DDX28: variants seen among roughly 807,000 people sequenced by gnomAD.
DDX28 encodes the protein probable ATP-dependent RNA helicase DDX28.
DDX28 carries 25 observed loss-of-function variants against 26.8 expected under a neutral mutation model. That is an observed-to-expected ratio of 0.93 (90% CI 0.68 to 1.30). DDX28 has a LOEUF of 1.30. Among genes scored for constraint, DDX28 ranks in the 50% most tolerant of loss-of-function variants. DDX28 has a pLI of 0.00. For synonymous variants in DDX28, 370 were observed against 311.9 expected (o/e 1.19, Z -1.96); for missense variants, 790 against 695.1 (o/e 1.14, Z -1.53).
Position 68,021,568 on chromosome 16 carries a change from G to C in DDX28, c.*12C>G. On this transcript the variant is annotated 3_prime_UTR_variant, in exon 1 of 1. Coordinates refer to ENST00000332395, the MANE Select transcript of DDX28 (RefSeq NM_018380.4). ...CTGTTCTAGCATCACATTTTAATCAGATTTGTCAAAATCAGGTTGCTTGGG... is the reference window on the plus strand; with the variant it reads ...CTGTTCTAGCATCACATTTTAATCACATTTGTCAAAATCAGGTTGCTTGGG... 1 of 1,607,938 alleles carries C rather than the reference G, an allele frequency of 6.2e-7. No individual in the cohort carries two copies.
chr16:68,021,600 G>A lies in DDX28; in HGVS notation c.1603C>T (p.Pro535Ser). 1.2e-6 allele frequency: 2 copies of A among 1,613,544 alleles called. No homozygotes were observed. The highest frequency in any genetic ancestry group is 1.7e-5 in the Admixed American group (1 of 59,992). The change falls in exon 1 of 1, where the codon CCT becomes TCT. Residue 535 changes from proline (P) to serine (S), a missense_variant. Transcript: ENST00000332395. ...LPGLASSVKE[P>S]LPQAT ...CAAAATCAGGTTGCTTGGGGCAAAG[G>A]CTCTTTCACCGAGGATGCTAGTCCT...
chr16:68,021,737 CCCACTCTCCCTGCTCT>C lies in DDX28; in HGVS notation c.1450_1465del (p.Arg484AlafsTer15). ...GCCTGGCACCTCGCTCCCCACACGGCCCACTCTCCCTGCTCTGTGGATGTAATCTTGCAGCGTTGGG... is the reference window on the plus strand; with the variant it reads ...GCCTGGCACCTCGCTCCCCACACGGCGTGGATGTAATCTTGCAGCGTTGGG... On this transcript the variant is annotated frameshift_variant, in exon 1 of 1. Coordinates refer to ENST00000332395, the MANE Select transcript of DDX28 (RefSeq NM_018380.4). LOFTEE classifies it high-confidence loss of function. 6.2e-7 allele frequency: 1 copy of C among 1,614,224 alleles called. No homozygotes were observed. Among genetic ancestry groups the C allele is most frequent in the Non-Finnish European group, 8.5e-7 (1 of 1,180,044 alleles).
chr16:68,023,207 C>T lies in DDX28; in HGVS notation c.-5G>A, dbSNP rs765166334. ...CACCGGCCGCGTTAGAGCCATGTTTCCCTTAGTGCGGGAGAAGCGCACATC... is the reference window on the plus strand; with the variant it reads ...CACCGGCCGCGTTAGAGCCATGTTTTCCTTAGTGCGGGAGAAGCGCACATC... On this transcript the variant is annotated 5_prime_UTR_variant, in exon 1 of 1. Transcript: ENST00000332395. 3.1e-6 allele frequency: 5 copies of T among 1,605,274 alleles called. No individual in the cohort carries two copies. Among genetic ancestry groups the T allele is most frequent in the South Asian group, 2.2e-5 (2 of 90,466 alleles).
Position 68,022,753 on chromosome 16 carries a change from CT to C in DDX28, c.449del (p.Gln150ArgfsTer121). 1 of 1,612,282 alleles carries C rather than the reference CT, an allele frequency of 6.2e-7. No individual in the cohort carries two copies. The highest frequency in any genetic ancestry group is 8.5e-7 in the Non-Finnish European group (1 of 1,179,506). On this transcript the variant is annotated frameshift_variant, in exon 1 of 1. Coordinates refer to ENST00000332395, the MANE Select transcript of DDX28 (RefSeq NM_018380.4). LOFTEE classifies it high-confidence loss of function. ...TGGTGCTAGACTGCACGGTTGTGGGCTGAACGACTTCAGGCGCAGCCTCCTG... is the reference window on the plus strand; with the variant it reads ...TGGTGCTAGACTGCACGGTTGTGGGCGAACGACTTCAGGCGCAGCCTCCTG... ...ALQEAAPEVV[Q>X]PTTVQSSTIP...
rs752768990 is a variant in DDX28, at chr16:68,022,980, C to T, written c.223G>A (p.Glu75Lys). The change falls in exon 1 of 1, where the codon GAG becomes AAG. Residue 75 changes from glutamate to lysine, a missense_variant. Coordinates refer to ENST00000332395, the MANE Select transcript of DDX28 (RefSeq NM_018380.4). ...GPLLVSARRP[E>K]LNQPARLTLG... ...GTGAGGCGCGCCGGCTGGTTCAACT[C>T]CGGCCGCCGCGCCGAAACCAGCAGC... 1.4e-5 allele frequency: 22 copies of T among 1,551,246 alleles called. No homozygotes were observed. The African/African-American group carries it at 2.6e-4, about 18-fold the overall frequency.
In DDX28 at chr16:68,021,362, C is replaced by T; in HGVS notation, c.*218G>A. 3 of 568,496 alleles carry T rather than the reference C, an allele frequency of 5.3e-6. No homozygotes were observed. The highest frequency in any genetic ancestry group is 1.9e-5 in the African/African-American group (1 of 53,372). The allele number at this position is 568,496 out of a possible 1,614,324, so 35.2% of individuals were successfully genotyped here. A position where few individuals can be genotyped will look rare whatever the true frequency, so the allele number is the denominator to read the frequency against. The stretch of plus-strand genomic sequence containing the variant: ...CATGACATGATACAAAGTCAAAATC[C>T]ACTTGTGTCTTGCTAAAGACTACAG... On this transcript the variant is annotated 3_prime_UTR_variant, in exon 1 of 1. Coordinates refer to ENST00000332395, the MANE Select transcript of DDX28 (RefSeq NM_018380.4).
chr16:68,021,817 G>A lies in DDX28; in HGVS notation c.1386C>T (p.Asp462=). 1.2e-6 allele frequency: 2 copies of A among 1,614,206 alleles called. No individual in the cohort carries two copies. The highest frequency in any genetic ancestry group is 1.7e-6 in the Non-Finnish European group (2 of 1,180,032). The change falls in exon 1 of 1, where the codon GAC becomes GAT. Residue 462 remains aspartate (D), a synonymous_variant. Transcript: ENST00000332395. The part of the protein sequence containing the change: ...LCTDIASRGL[D]STGVELVVNY... ...TGACAACCAGCTCCACACCAGTGCTGTCCAGGCCCCGAGAGGCTATGTCTG... is the reference window on the plus strand; with the variant it reads ...TGACAACCAGCTCCACACCAGTGCTATCCAGGCCCCGAGAGGCTATGTCTG...
Position 68,022,994 on chromosome 16 carries a change from G to A in DDX28, c.209C>T (p.Ser70Leu), listed in dbSNP as rs200300816. 244 of 1,562,734 alleles carry A rather than the reference G, an allele frequency of 1.6e-4. No individual in the cohort carries two copies. The African/African-American group carries it at 2.9e-3, about 18-fold the overall frequency. ...CTGGTTCAACTCCGGCCGCCGCGCCGAAACCAGCAGCGGTCCGGGTCGAAC... is the reference window on the plus strand; with the variant it reads ...CTGGTTCAACTCCGGCCGCCGCGCCAAAACCAGCAGCGGTCCGGGTCGAAC... ...VLVRPGPLLV[S>L]ARRPELNQPA... Residue 70 changes from serine to leucine, a missense_variant, in exon 1 of 1, where the codon TCG (serine) becomes TTG (leucine). By Grantham distance (145) the Ser-to-Leu change is moderately radical. Coordinates refer to ENST00000332395, the MANE Select transcript of DDX28 (RefSeq NM_018380.4).
At position 68,021,669 on chromosome 16, in the gene DDX28, C is replaced by T. The variant is rs1444367381; in HGVS notation, c.1534G>A (p.Val512Ile). 1.2e-6 allele frequency: 2 copies of T among 1,614,116 alleles called. No homozygotes were observed. Among genetic ancestry groups the T allele is most frequent in the Non-Finnish European group, 1.7e-6 (2 of 1,180,056 alleles). Residue 512 changes from valine to isoleucine, a missense_variant, in exon 1 of 1, where the codon GTT becomes ATT. By Grantham distance (29) the Val-to-Ile change is conservative. Transcript: ENST00000332395. ...CGAGCCGCCAGCTCAATCTTCTGAA[C>T]CAGGCTCACATCCCAGGGATGGGTC... ...FVTHPWDVSL[V>I]QKIELAARRR...
chr16:68,021,566 C>A lies in DDX28; in HGVS notation c.*14G>T. On this transcript the variant is annotated 3_prime_UTR_variant, in exon 1 of 1. Coordinates refer to ENST00000332395, the MANE Select transcript of DDX28 (RefSeq NM_018380.4). ...CCCTGTTCTAGCATCACATTTTAAT[C>A]AGATTTGTCAAAATCAGGTTGCTTG... The A allele has an allele frequency of 6.2e-7, 1 of 1,605,784 alleles. No individual in the cohort carries two copies. Among genetic ancestry groups the A allele is most frequent in the South Asian group, 1.1e-5 (1 of 89,938 alleles).
In DDX28 at chr16:68,022,352, A is replaced by G. The variant is rs1331830983; in HGVS notation, c.851T>C (p.Val284Ala). 2 of 1,614,168 alleles carry G rather than the reference A, an allele frequency of 1.2e-6. No homozygotes were observed. Among genetic ancestry groups the G allele is most frequent in the Admixed American group, 3.3e-5 (2 of 60,018 alleles). Residue 284 changes from valine (V) to alanine (A), a missense_variant, in exon 1 of 1, where the codon GTG (valine) becomes GCG (alanine). Val to Ala is a moderately conservative substitution (Grantham distance 64). Coordinates refer to ENST00000332395, the MANE Select transcript of DDX28 (RefSeq NM_018380.4). The part of the protein sequence containing the change: ...LISLEQLSFL[V>A]LDEADTLLDE... ...CAGCAGTGTGTCTGCCTCATCCAAC[A>G]CCAAGAAGGAGAGTTGCTCCAGACT...
rs901254216 is a variant in DDX28, at chr16:68,021,184, A to C, written c.*396T>G. 3.0e-5 allele frequency: 6 copies of C among 198,804 alleles called. No homozygotes were observed. Among genetic ancestry groups the C allele is most frequent in the Admixed American group, 2.7e-4 (5 of 18,328 alleles). The allele number at this position is 198,804 out of a possible 1,614,324, so 12.3% of individuals were successfully genotyped here. A position where few individuals can be genotyped will look rare whatever the true frequency, so the allele number is the denominator to read the frequency against. On this transcript the variant is annotated 3_prime_UTR_variant, in exon 1 of 1. Transcript: ENST00000332395. ...TACCTTTTTGGGGGCAGGAAATACA[A>C]ACTAAATGTTTATAAATGAAAACAT...
rs772073182 is a variant in DDX28 at position 68,021,923 on chromosome 16, A to T, written c.1280T>A (p.Leu427Ter). 4 of 1,614,164 alleles carry T rather than the reference A, an allele frequency of 2.5e-6. No homozygotes were observed. The highest frequency in any genetic ancestry group is 1.7e-5 in the Admixed American group (1 of 60,016). ...CATCAAGGCTGGCATTTGCCCCTGC[A>T]ACCTTAGGTGTTGGATTTTGTGGTC... ...LDDHKIQHLR[L>*]QGQMPALMRV... Residue 427 changes from leucine to a stop codon, truncating the protein, a stop_gained, in exon 1 of 1, where the codon TTG (leucine) becomes TAG (stop). Coordinates refer to ENST00000332395, the MANE Select transcript of DDX28 (RefSeq NM_018380.4). LOFTEE classifies it high-confidence loss of function.
rs1380651063 is a variant in DDX28 at position 68,022,164 on chromosome 16, G to A, written c.1039C>T (p.Pro347Ser). Reference protein sequence around the residue: ...VGQLLNKVASPDAVTTITSSK... With the variant: ...VGQLLNKVASSDAVTTITSSK... ...CTGGTGATGGTGGTGACAGCATCTG[G>A]GCTGGCGACTTTATTCAGCAACTGG... is the stretch of plus-strand genomic sequence containing the variant. The change falls in exon 1 of 1, where the codon CCA becomes TCA. Residue 347 changes from proline (P) to serine (S), a missense_variant. By Grantham distance (74) the Pro-to-Ser change is moderately conservative. Coordinates refer to ENST00000332395, the MANE Select transcript of DDX28 (RefSeq NM_018380.4). 1.9e-6 allele frequency: 3 copies of A among 1,614,058 alleles called. No homozygotes were observed. The African/African-American group carries it at 4.0e-5, about 22-fold the overall frequency.
rs750629296 is a variant in DDX28, at chr16:68,022,815, C to T, written c.388G>A (p.Asp130Asn). 3.2e-6 allele frequency: 5 copies of T among 1,580,494 alleles called. No homozygotes were observed. The highest frequency in any genetic ancestry group is 8.6e-7 in the Non-Finnish European group (1 of 1,163,274). Residue 130 changes from aspartate to asparagine, a missense_variant, in exon 1 of 1, where the codon GAC becomes AAC. Transcript: ENST00000332395. ...RKLSSKGSFA[D>N]LGLEPRVLHA... is the part of the protein sequence containing the mutation. Reference sequence around the variant, plus strand: ...AGCACACGGGGCTCCAGGCCCAGGTCAGCAAAGCTGCCCTTAGACGAGAGC... The same window carrying T: ...AGCACACGGGGCTCCAGGCCCAGGTTAGCAAAGCTGCCCTTAGACGAGAGC...
At position 68,023,009 on chromosome 16, in the gene DDX28, C is replaced by G. The variant is rs768123979; in HGVS notation, c.194G>C (p.Gly65Ala). 3.2e-6 allele frequency: 5 copies of G among 1,574,294 alleles called. No individual in the cohort carries two copies. In the South Asian group the frequency reaches 5.7e-5, roughly 18 times the overall value. Residue 65 changes from glycine (G) to alanine (A), a missense_variant, in exon 1 of 1, where the codon GGA becomes GCA. By Grantham distance (60) the Gly-to-Ala change is moderately conservative. Coordinates refer to ENST00000332395, the MANE Select transcript of DDX28 (RefSeq NM_018380.4). ...CCGCCGCGCCGAAACCAGCAGCGGT[C>G]CGGGTCGAACCAGCACCGGCCTCGG... ...NLPRPVLVRP[G>A]PLLVSARRPE...
rs2033231661 is a variant in DDX28, at chr16:68,021,217, A to G, written c.*363T>C. 2 of 228,214 alleles carry G rather than the reference A, an allele frequency of 8.8e-6. No individual in the cohort carries two copies. The highest frequency in any genetic ancestry group is 1.0e-4 in the Admixed American group (2 of 19,120). The allele number at this position is 228,214 out of a possible 1,614,324, so 14.1% of individuals were successfully genotyped here. A position where few individuals can be genotyped will look rare whatever the true frequency, so the allele number is the denominator to read the frequency against. ...GTTTATAAATGAAAACATCAACTGA[A>G]AGAGCCTTTGTCCTAGATGTGGAGG... is the stretch of plus-strand genomic sequence containing the variant. On this transcript the variant is annotated 3_prime_UTR_variant, in exon 1 of 1. Coordinates refer to ENST00000332395, the MANE Select transcript of DDX28 (RefSeq NM_018380.4).
Position 68,022,156 on chromosome 16 carries a change from A to G in DDX28, c.1047T>C (p.Ala349=). ...QLLNKVASPD[A]VTTITSSKLH... is the part of the protein sequence containing the mutation. ...GCTTGGAGCTGGTGATGGTGGTGAC[A>G]GCATCTGGGCTGGCGACTTTATTCA... Residue 349 remains alanine, a synonymous_variant, in exon 1 of 1, where the codon GCT becomes GCC. Transcript: ENST00000332395. The G allele has an allele frequency of 6.2e-7, 1 of 1,614,208 alleles. No individual in the cohort carries two copies. The highest frequency in any genetic ancestry group is 8.5e-7 in the Non-Finnish European group (1 of 1,180,034).
chr16:68,021,946 G>A lies in DDX28; in HGVS notation c.1257C>T (p.Asp419=), dbSNP rs2033248781. ...GCAACCTTAGGTGTTGGATTTTGTG[G>A]TCATCCAGAATATATCCCAGCCAGT... ...TVNWLGYILD[D]HKIQHLRLQG... The change falls in exon 1 of 1, where the codon GAC becomes GAT. Residue 419 remains aspartate (D), a synonymous_variant. Coordinates refer to ENST00000332395, the MANE Select transcript of DDX28 (RefSeq NM_018380.4). The A allele has an allele frequency of 6.2e-7, 1 of 1,614,082 alleles. No individual in the cohort carries two copies. The highest frequency in any genetic ancestry group is 1.3e-5 in the African/African-American group (1 of 74,930).
Sources: gnomAD v4.1 joint callset for allele counts on GRCh38, gnomAD v4.1.1 for gene constraint, MANE v1.5 for transcripts, NCBI Gene and HGNC (gene_info 2026-07-23, HGNC 2026-07-21) for gene names.